Variants in GPC5 observed in about 807,000 individuals in gnomAD.
GPC5 encodes glypican-5.
Under a neutral mutation model 53.9 loss-of-function variants are expected in GPC5, and 47 were observed. The ratio of observed to expected loss-of-function variants is 0.87; its 90% CI spans 0.69 to 1.11. The LOEUF (loss-of-function observed/expected upper bound fraction) is 1.11, where lower values mean the gene tolerates loss of function less well. Among genes scored for constraint, GPC5 ranks in the 50% most tolerant of loss-of-function variants. The pLI is 0.00. For missense variants in GPC5, 748 were observed against 713.1 expected, an observed-to-expected ratio of 1.05 and a Z score of -0.56; for synonymous variants, 286 against 263.3, an observed-to-expected ratio of 1.09 and a Z score of -0.84.
At chr13:92,583,159 A>G (rs1321864176) in intron 7 of GPC5, among the ~76,000 whole-genome samples, 1 of 152,156 alleles carries the variant, frequency 6.6e-6, no homozygotes, top group Non-Finnish European at 1.5e-5. Context: ...AGGTACATTC[A>G]TCCTGTTCCT....
At chr13:92,417,270 C>T (rs1876352824) in intron 7 of GPC5, among the ~76,000 whole-genome samples, 1 of 152,184 alleles carries the variant, frequency 6.6e-6, no homozygotes, top group African/African-American at 2.4e-5. Context: ...ACATCCTTAG[C>T]TGTCAGTAAA....
rs1469293588 is a variant in GPC5, at chr13:92,479,248, C to T, written c.1561+334259C>T. On this transcript the variant is annotated intron_variant, in intron 7 of 7. Coordinates refer to ENST00000377067, the MANE Select transcript of GPC5 (RefSeq NM_004466.6). ...CAGGAAAGGGCCCAGGGACATACCA[C>T]GATTGGGCCCAGGAGACAGTAAGAG... Among the ~76,000 whole-genome samples, 3 of 152,226 alleles carry T rather than the reference C, an allele frequency of 2.0e-5. No individual in the cohort carries two copies. In the East Asian group the frequency reaches 5.8e-4, roughly 29 times the overall value.
At chr13:92,017,320 TTAGG>T (rs1261745185) in intron 6 of GPC5, among the ~76,000 whole-genome samples, 1 of 152,206 alleles carries the variant, frequency 6.6e-6, no homozygotes, top group Non-Finnish European at 1.5e-5. Context: ...TTTCTGGTTC[TTAGG>T]TAGAGAGAGC....
chr13:91,412,287 C>G lies in GPC5; in HGVS notation c.163+13078C>G, dbSNP rs17668169. On this transcript the variant is annotated intron_variant, in intron 1 of 7. Transcript: ENST00000377067. Reference sequence around the variant, plus strand: ...TCAATCAGCCTATTTCTGTTCTTAGCCCTTGCTAGTCCATTTGCCAATAGA... The same window carrying G: ...TCAATCAGCCTATTTCTGTTCTTAGGCCTTGCTAGTCCATTTGCCAATAGA... Among the ~76,000 whole-genome samples the G allele has an allele frequency of 1.1e-3, 173 of 152,362 alleles. 6 individuals are homozygous for G. The East Asian group carries it at 0.029, about 26-fold the overall frequency.
At chr13:92,288,244 A>G (rs967463753) in intron 7 of GPC5, among the ~76,000 whole-genome samples, 2 of 152,302 alleles carry the variant, frequency 1.3e-5, no homozygotes, top group East Asian at 1.9e-4. Context: ...AATATGACCA[A>G]TGTCTGGACA....
intron 7 of GPC5, among the ~76,000 whole-genome samples, chr13:92,232,820 C>T (rs1000189016): frequency 2.4e-4 from 37 of 152,168 alleles, no homozygotes; most frequent in African/African-American, 8.7e-4. Flanking sequence ...CTAATCTAAA[C>T]ATATCATGTT....
At chr13:92,728,123 A>G (rs982938595) in intron 7 of GPC5, among the ~76,000 whole-genome samples, 2 of 151,464 alleles carry the variant, frequency 1.3e-5, no homozygotes, top group Non-Finnish European at 3.0e-5. Flanking sequence ...TTTTACAACT[A>G]CTTGTCTCAT....
At chr13:92,451,118 A>G (rs988554990) in intron 7 of GPC5, among the ~76,000 whole-genome samples, 22 of 152,314 alleles carry the variant, frequency 1.4e-4, no homozygotes, top group African/African-American at 5.3e-4. Context: ...AATATGCCAC[A>G]TATTAATATC....
At chr13:92,187,655 T>C (rs2042193770) in intron 7 of GPC5, among the ~76,000 whole-genome samples, 1 of 152,218 alleles carries the variant, frequency 6.6e-6, no homozygotes, top group African/African-American at 2.4e-5. Flanking sequence ...AGAAAGAAGC[T>C]GGGCTTTAGA....
chr13:91,830,023 G>T (rs1264254449), intron 5 of GPC5, among the ~76,000 whole-genome samples: 14 of 151,920 alleles, frequency 9.2e-5, no homozygotes, highest in Admixed American at 6.6e-4. Flanking sequence ...GAGAGCAACC[G>T]GTCTGACCAA....
At chr13:92,034,408 G>C (rs1347261378) in intron 6 of GPC5, among the ~76,000 whole-genome samples, 3 of 152,140 alleles carry the variant, frequency 2.0e-5, no homozygotes, top group Non-Finnish European at 4.4e-5. Flanking sequence ...TCAGGCAGGA[G>C]AATCACTTGA....
intron 1 of GPC5, among the ~76,000 whole-genome samples, chr13:91,434,546 G>A (rs540101387): frequency 1.3e-5 from 2 of 152,112 alleles, no homozygotes; most frequent in Non-Finnish European, 2.9e-5. Context: ...GCTCTGTTCT[G>A]TTCCATTGGT....
chr13:91,797,678 A>T (rs1388804687), intron 5 of GPC5, among the ~76,000 whole-genome samples: 1 of 152,194 alleles, frequency 6.6e-6, no homozygotes, highest in East Asian at 1.9e-4. Flanking sequence ...CAGCGGTTTG[A>T]ATGAGTTTCA....
chr13:91,432,203 C>CTGTGTG (rs757953581), intron 1 of GPC5, among the ~76,000 whole-genome samples: 1,692 of 136,362 alleles, frequency 0.012, 19 homozygotes, highest in Non-Finnish European at 0.015. Flanking sequence ...GCTGCTGCTG[C>CTGTGTG]TGTGTGTGTG....
intron 7 of GPC5, among the ~76,000 whole-genome samples, chr13:92,541,880 AT>A: frequency 6.6e-6 from 1 of 151,796 alleles, no homozygotes. Flanking sequence ...CAAAGACATT[AT>A]TTTTTTTACT....
chr13:91,997,297 T>C (rs957612201), intron 6 of GPC5, among the ~76,000 whole-genome samples: 1 of 152,212 alleles, frequency 6.6e-6, no homozygotes, highest in Non-Finnish European at 1.5e-5. Context: ...CCTTGTCTTC[T>C]TACAAAGTGG....
At chr13:92,012,808 C>A (rs1313243614) in intron 6 of GPC5, among the ~76,000 whole-genome samples, 1 of 152,200 alleles carries the variant, frequency 6.6e-6, no homozygotes, top group African/African-American at 2.4e-5. Context: ...TGCTGGATTT[C>A]TCTTGGCCCC....
chr13:92,187,768 A>G (rs2042194432), intron 7 of GPC5, among the ~76,000 whole-genome samples: 1 of 152,216 alleles, frequency 6.6e-6, no homozygotes, highest in African/African-American at 2.4e-5. Flanking sequence ...AAAAATGAAC[A>G]GCTGTTGAGA....
intron 5 of GPC5, among the ~76,000 whole-genome samples, chr13:91,789,687 G>C (rs2037933285): frequency 6.6e-6 from 1 of 152,170 alleles, no homozygotes; most frequent in Non-Finnish European, 1.5e-5. Context: ...TAAAAATTAT[G>C]TGTACCTGTT....
Sources: allele counts gnomAD v4.1 joint callset (sites outside exome capture counted in the v4.1 genomes callset), GRCh38; gene constraint gnomAD v4.1.1; transcripts MANE v1.5; gene names NCBI Gene and HGNC (gene_info 2026-07-23, HGNC 2026-07-21).